The following RYR2 variants were observed in gnomAD, a reference collection of about 807,000 sequenced individuals.
RYR2 encodes the protein ryanodine receptor 2, also known as cardiac muscle ryanodine receptor-calcium release channel.
Under a neutral mutation model 601.1 loss-of-function variants are expected in RYR2, and 227 were observed. The observed-to-expected ratio is 0.38, with a 90% confidence interval of 0.34 to 0.42. The LOEUF (loss-of-function observed/expected upper bound fraction) is 0.42. RYR2 is among the 10% of genes least tolerant of loss of function. RYR2 has a pLI of 1.00. For synonymous variants in RYR2, 2,223 were observed against 2,175.1 expected, an observed-to-expected ratio of 1.02 and a Z score of -0.61; for missense variants, 4,646 against 6,156.5, an observed-to-expected ratio of 0.75 and a Z score of 8.21.
At chr1:237,127,373 G>A (rs1260106953) in intron 1 of RYR2, among the ~76,000 whole-genome samples, 33 of 151,012 alleles carry the variant, frequency 2.2e-4, no homozygotes, top group South Asian at 4.2e-4. Context: ...GGGCAGAGGC[G>A]CCCCTCACCT....
chr1:237,723,355 A>G (rs1689910855), intron 74 of RYR2, 93 bp downstream of exon 74: 1 of 906,170 alleles, frequency 1.1e-6, no homozygotes, highest in Non-Finnish European at 1.7e-6. Flanking sequence ...CTATGACCCA[A>G]GAAACATATA....
chr1:237,279,479 A>C (rs1057456802), intron 2 of RYR2, among the ~76,000 whole-genome samples: 1 of 152,358 alleles, frequency 6.6e-6, no homozygotes, highest in Non-Finnish European at 1.5e-5. Context: ...CTCTGTCTCA[A>C]TCAATAAATC....
At position 237,614,930 on chromosome 1, in the gene RYR2, GTGTT is replaced by G. The variant is rs1191485408; in HGVS notation, c.5715+89_5715+92del. On this transcript the variant is annotated intron_variant, in intron 37 of 104. Coordinates refer to ENST00000366574, the MANE Select transcript of RYR2 (RefSeq NM_001035.3). The surrounding 1 kb of genome is among the most constrained non-coding windows in gnomAD (Gnocchi z 4.3). ...TGCCTTTGTTTCTTTCTCTGTGTGT[GTGTT>G]TATTTCTTTGCATTCCTGTGTAATG... The G allele has an allele frequency of 5.4e-5, 72 of 1,326,402 alleles. No individual in the cohort carries two copies. Among genetic ancestry groups the G allele is most frequent in the Non-Finnish European group, 6.8e-5 (67 of 982,506 alleles). The allele number at this position is 1,326,402 out of a possible 1,614,324, so 82.2% of individuals were successfully genotyped here. A position where few individuals can be genotyped will look rare whatever the true frequency, so the allele number is the denominator to read the frequency against.
chr1:237,431,862 G>A (rs1235547063), intron 12 of RYR2, among the ~76,000 whole-genome samples: 1 of 152,126 alleles, frequency 6.6e-6, no homozygotes, highest in Non-Finnish European at 1.5e-5. Flanking sequence ...CTTTGCACCA[G>A]TATTTATTCT....
In RYR2 at chr1:237,614,790, C is replaced by T. The variant is rs1006109370; in HGVS notation, c.5662C>T (p.Arg1888Trp). The T allele has an allele frequency of 1.2e-5, 19 of 1,607,570 alleles. No homozygotes were observed. Among genetic ancestry groups the T allele is most frequent in the African/African-American group, 5.3e-5 (4 of 74,828 alleles). Residue 1888 changes from arginine to tryptophan, a missense_variant, in exon 37 of 105, where the codon CGG becomes TGG. This residue lies in a region of RYR2 where 1,807 missense variants were observed against 2,088.1 expected (regional missense o/e 0.87). Coordinates refer to ENST00000366574, the MANE Select transcript of RYR2 (RefSeq NM_001035.3). This position sits in a 1 kb window ranked among gnomAD's most constrained non-coding sequence, Gnocchi z 4.3. The part of the protein sequence containing the change: ...AGEEEAKGGK[R>W]PKEGLLQMKL... ...TGAGGAAGAAGCCAAGGGGGGCAAG[C>T]GGCCCAAGGAAGGCCTGCTCCAAAT...
At chr1:237,342,991 T>C (rs1343311035) in intron 3 of RYR2, among the ~76,000 whole-genome samples, 2 of 152,116 alleles carry the variant, frequency 1.3e-5, no homozygotes, top group East Asian at 3.9e-4. Context: ...GGAGGATCAC[T>C]TGAGCCCAGG....
In RYR2 at chr1:237,246,738, A is replaced by G. The variant is rs1686890409; in HGVS notation, c.49-23759A>G. On this transcript the variant is annotated intron_variant, in intron 1 of 104. Transcript: ENST00000366574. ...TAATTGAATCTTCCTCTCCTTTCAT[A>G]TATTTTTGGCCTGATTTTTTGCAGC... is the stretch of plus-strand genomic sequence containing the variant. Among the ~76,000 whole-genome samples the G allele has an allele frequency of 4.6e-5, 7 of 151,900 alleles. 1 individual carries two copies. The highest frequency in any genetic ancestry group is 4.6e-4 in the Admixed American group (7 of 15,248).
intron 1 of RYR2, among the ~76,000 whole-genome samples, chr1:237,151,327 A>T (rs960280526): frequency 6.6e-6 from 1 of 152,176 alleles, no homozygotes; most frequent in Admixed American, 6.5e-5. Context: ...GTCAGGGTGG[A>T]ATAATCACCC....
At chr1:237,091,660 A>G (rs1666973252) in intron 1 of RYR2, among the ~76,000 whole-genome samples, 1 of 152,166 alleles carries the variant, frequency 6.6e-6, no homozygotes, top group South Asian at 2.1e-4. Flanking sequence ...TCTGGGCTCA[A>G]GTGATCCCCC....
At chr1:237,590,597 C>A in intron 30 of RYR2, 43 bp from the exon 31 acceptor site, 2 of 1,442,772 alleles carry the variant, frequency 1.4e-6, no homozygotes, top group South Asian at 1.5e-5. Flanking sequence ...AGGAAATTGA[C>A]AATGGTGATT....
At chr1:237,759,896 AT>A (rs1215918765) in intron 83 of RYR2, 44 bp downstream of exon 83, 1 of 1,251,144 alleles carries the variant, frequency 8.0e-7, no homozygotes, top group Non-Finnish European at 1.1e-6. Flanking sequence ...CAGTGGTTGT[AT>A]TTTTTCGAAG....
intron 2 of RYR2, among the ~76,000 whole-genome samples, chr1:237,294,791 T>C (rs1214084692): frequency 3.3e-5 from 5 of 152,148 alleles, no homozygotes; most frequent in Non-Finnish European, 7.4e-5. Context: ...GTATTGGGGA[T>C]TGCAGGAAGG....
At chr1:237,497,598 A>G (rs1664209978) in intron 20 of RYR2, among the ~76,000 whole-genome samples, 1 of 152,234 alleles carries the variant, frequency 6.6e-6, no homozygotes, top group Non-Finnish European at 1.5e-5. Flanking sequence ...GAAGATGCAG[A>G]AAGTTACCTT....
chr1:237,660,788 T>C (rs1573391373), intron 55 of RYR2, 22 bp from the exon 56 acceptor site: 8 of 1,529,846 alleles, frequency 5.2e-6, no homozygotes, highest in South Asian at 1.2e-5. Context: ...ATATCTGTTG[T>C]TTCTTGTTTT....
At chr1:237,179,388 A>G (rs1678443622) in intron 1 of RYR2, among the ~76,000 whole-genome samples, 1 of 151,818 alleles carries the variant, frequency 6.6e-6, no homozygotes, top group Non-Finnish European at 1.5e-5. Context: ...AGAAGTTAGT[A>G]TCAGATTTTA....
chr1:237,373,349 G>A (rs115337305), intron 6 of RYR2, among the ~76,000 whole-genome samples: 1 of 152,240 alleles, frequency 6.6e-6, no homozygotes, highest in Non-Finnish European at 1.5e-5. Flanking sequence ...CCATGGCACT[G>A]AATTCCACCT....
chr1:237,665,092 A>T (rs1684182122), intron 56 of RYR2, among the ~76,000 whole-genome samples: 2 of 152,184 alleles, frequency 1.3e-5, no homozygotes, highest in African/African-American at 2.4e-5. Flanking sequence ...CTGGTGGCCT[A>T]TTTAGCATAT....
At chr1:237,549,534 A>C (rs1670162426) in intron 26 of RYR2, among the ~76,000 whole-genome samples, 1 of 151,572 alleles carries the variant, frequency 6.6e-6, no homozygotes, top group Non-Finnish European at 1.5e-5. Context: ...CTGTTTCAAA[A>C]CAACAACAAA....
rs1683399664 is a variant in RYR2, at chr1:237,657,816, A to G, written c.8130-128A>G. ...AAAATAGAAAAATGTAATTCTAAAA[A>G]AAGAAGTCGTGTTTAACAGTTAAAA... On this transcript the variant is annotated intron_variant, in intron 53 of 104. Coordinates refer to ENST00000366574, the MANE Select transcript of RYR2 (RefSeq NM_001035.3). 1.1e-5 allele frequency: 6 copies of G among 534,476 alleles called. No individual in the cohort carries two copies. In the South Asian group the frequency reaches 1.3e-4, roughly 12 times the overall value. 33.1% of individuals were successfully genotyped at this position (534,476 alleles called of 1,614,324 possible).
Sources: allele counts gnomAD v4.1 joint callset (sites outside exome capture counted in the v4.1 genomes callset), GRCh38; gene constraint gnomAD v4.1.1; regional missense constraint gnomAD v4.1.1; non-coding constraint Gnocchi (gnomAD v3.1); transcripts MANE v1.5; gene names NCBI Gene and HGNC (gene_info 2026-07-23, HGNC 2026-07-21).